PYROXD1: variants seen among roughly 807,000 people sequenced by gnomAD.
The protein encoded by PYROXD1 is pyridine nucleotide-disulphide oxidoreductase domain 1, also known as tRNA ligase complex-associated NAD(P)H dehydrogenase PYROXD1.
A neutral mutation model predicts 62.0 loss-of-function variants in PYROXD1; 42 were observed. That is an observed-to-expected ratio of 0.68 (90% CI 0.53 to 0.88). PYROXD1 has a LOEUF of 0.88. PYROXD1 is among the 40% of genes least tolerant of loss of function. The probability of loss-of-function intolerance (pLI) is 0.00; values close to 1 mark genes in which losing one functional copy is unlikely to be tolerated. For synonymous variants in PYROXD1, 170 were observed against 206.4 expected (o/e 0.82, Z 1.51); for missense variants, 493 against 604.8 (o/e 0.82, Z 1.94).
Position 21,437,678 on chromosome 12 carries a change from A to C in PYROXD1, c.-53A>C. ...GCGGCTGCTTCCTCTCCTGGAGTCC[A>C]GAGTCCCGTTGCTCCGCCGCGATAT... On this transcript the variant is annotated 5_prime_UTR_variant, in exon 1 of 12. Transcript: ENST00000240651. 6.5e-7 allele frequency: 1 copy of C among 1,548,964 alleles called. No individual in the cohort carries two copies. Among genetic ancestry groups the C allele is most frequent in the Non-Finnish European group, 8.8e-7 (1 of 1,142,228 alleles).
rs564402936 is a variant in PYROXD1, at chr12:21,441,782, C to T, written c.165+1334C>T. 2.6e-5 allele frequency among the ~76,000 whole-genome samples: 4 copies of T among 152,238 alleles called. No individual in the cohort carries two copies. In the East Asian group the frequency reaches 7.7e-4, roughly 29 times the overall value. ...CATTTGTGTTCTTTTGGTGGCATAT[C>T]TTCTTGGTTTATCATGTTTCTTACT... On this transcript the variant is annotated intron_variant, in intron 2 of 11. Transcript: ENST00000240651.
At chr12:21,450,109 C>A (rs1156256909) in intron 4 of PYROXD1, among the ~76,000 whole-genome samples, 1 of 150,522 alleles carries the variant, frequency 6.6e-6, no homozygotes, top group Non-Finnish European at 1.5e-5. Context: ...GACCTCGTGA[C>A]CGCCCACCTA....
chr12:21,450,890 C>T (rs994578047), intron 4 of PYROXD1, among the ~76,000 whole-genome samples: 2 of 152,112 alleles, frequency 1.3e-5, no homozygotes, highest in Non-Finnish European at 2.9e-5. Context: ...TCCCAATTTA[C>T]AAATAGGAAA....
intron 4 of PYROXD1, 143 bp from the exon 5 acceptor site, chr12:21,451,938 A>C (rs1404249138): frequency 3.3e-6 from 2 of 601,834 alleles, no homozygotes; most frequent in Non-Finnish European, 5.8e-6. Context: ...ATGTACCCTG[A>C]TACAGTGGGA....
Position 21,468,407 on chromosome 12 carries a change from A to T in PYROXD1, c.1255-99A>T, listed in dbSNP as rs539711729. ...ATTTTTAGTTATGAAATTTTGTGGCATAAGTTTTCTGCGGCTATTCAAACT... is the reference window on the plus strand; with the variant it reads ...ATTTTTAGTTATGAAATTTTGTGGCTTAAGTTTTCTGCGGCTATTCAAACT... On this transcript the variant is annotated intron_variant, in intron 11 of 11. Transcript: ENST00000240651. 7.9e-5 allele frequency: 90 copies of T among 1,139,710 alleles called. No homozygotes were observed. The South Asian group carries it at 1.3e-3, about 17-fold the overall frequency. The allele number at this position is 1,139,710 out of a possible 1,614,324, so 70.6% of individuals were successfully genotyped here.
chr12:21,459,900 A>G (rs1023113111), intron 7 of PYROXD1, among the ~76,000 whole-genome samples: 2 of 152,196 alleles, frequency 1.3e-5, no homozygotes, highest in African/African-American at 2.4e-5. Flanking sequence ...TTTTAAATTA[A>G]TCTTTTCTCA....
At chr12:21,449,491 T>C in intron 3 of PYROXD1, 72 bp from the exon 4 acceptor site, 1 of 1,468,562 alleles carries the variant, frequency 6.8e-7, no homozygotes, top group Non-Finnish European at 9.2e-7. Flanking sequence ...ATTGAATTTT[T>C]AGTTTAAAGT....
chr12:21,466,376 C>A (rs1287666427), intron 10 of PYROXD1, among the ~76,000 whole-genome samples: 1 of 151,320 alleles, frequency 6.6e-6, no homozygotes, highest in Non-Finnish European at 1.5e-5. Flanking sequence ...TTGAAGAGGT[C>A]CTTCACATCC....
intron 1 of PYROXD1, among the ~76,000 whole-genome samples, chr12:21,439,605 TAAAA>T (rs200941252): frequency 2.0e-5 from 3 of 150,980 alleles, no homozygotes; most frequent in African/African-American, 7.3e-5. Flanking sequence ...CCATCTCCAT[TAAAA>T]AAAAAATAAA....
At chr12:21,441,613 A>G (rs1195961496) in intron 2 of PYROXD1, among the ~76,000 whole-genome samples, 2 of 151,920 alleles carry the variant, frequency 1.3e-5, no homozygotes, top group Non-Finnish European at 2.9e-5. Context: ...CATCGTCAGA[A>G]TTTCTGCTTT....
At position 21,437,858 on chromosome 12, in the gene PYROXD1, A is replaced by C. The variant is rs754369287; in HGVS notation, c.84+44A>C. 5.8e-6 allele frequency: 9 copies of C among 1,541,812 alleles called. No individual in the cohort carries two copies. The South Asian group carries it at 9.2e-5, about 16-fold the overall frequency. On this transcript the variant is annotated intron_variant, in intron 1 of 11. Transcript: ENST00000240651. ...GGTTCCGCCTCTTTCCCCGACCCCA[A>C]AGGGGATAGCACTGGAGGCCTTCCT... is the stretch of plus-strand genomic sequence containing the variant.
At chr12:21,456,956 A>G (rs1449595444) in intron 7 of PYROXD1, 3 of 435,776 alleles carry the variant, frequency 6.9e-6, no homozygotes, top group South Asian at 1.6e-5. Context: ...CATCTTTTCA[A>G]ATTTTATCAT....
At chr12:21,447,374 T>G (rs1942409434) in intron 3 of PYROXD1, among the ~76,000 whole-genome samples, 1 of 152,146 alleles carries the variant, frequency 6.6e-6, no homozygotes, top group African/African-American at 2.4e-5. Flanking sequence ...CCAAGTAATA[T>G]ATTTGTCAAT....
chr12:21,444,076 C>T (rs969902929), intron 2 of PYROXD1, among the ~76,000 whole-genome samples: 11 of 152,006 alleles, frequency 7.2e-5, no homozygotes, highest in South Asian at 4.2e-4. Flanking sequence ...CAGTTTTTGC[C>T]GGTTTTGTAA....
intron 3 of PYROXD1, 50 bp downstream of exon 3, chr12:21,445,516 A>C: frequency 6.6e-7 from 1 of 1,514,118 alleles, no homozygotes; most frequent in Non-Finnish European, 8.8e-7. Context: ...AATCTTGATG[A>C]AGTTTTGCCT....
chr12:21,457,866 T>C (rs78169106), intron 7 of PYROXD1, among the ~76,000 whole-genome samples: 3 of 152,300 alleles, frequency 2.0e-5, no homozygotes, highest in South Asian at 2.1e-4. Flanking sequence ...CAATTTGATA[T>C]GAGATTTGGG....
At chr12:21,438,840 C>T (rs1021541707) in intron 1 of PYROXD1, among the ~76,000 whole-genome samples, 1 of 151,892 alleles carries the variant, frequency 6.6e-6, no homozygotes, top group African/African-American at 2.4e-5. Flanking sequence ...ATGATGCAGG[C>T]ACCGTATTAA....
At chr12:21,445,623 G>A (rs1291573349) in intron 3 of PYROXD1, among the ~76,000 whole-genome samples, 157 bp downstream of exon 3, 1 of 152,110 alleles carries the variant, frequency 6.6e-6, no homozygotes, top group African/African-American at 2.4e-5. Flanking sequence ...AAAAAATACA[G>A]TTTTTGTAAG....
At chr12:21,466,498 T>C (rs1249762383) in intron 10 of PYROXD1, among the ~76,000 whole-genome samples, 1 of 152,170 alleles carries the variant, frequency 6.6e-6, no homozygotes, top group East Asian at 1.9e-4. Context: ...ATGCTTGTGA[T>C]TTTTGCACAT....
Sources: gnomAD v4.1 joint callset for allele counts (sites outside exome capture counted in the v4.1 genomes callset) on GRCh38, gnomAD v4.1.1 for gene constraint, MANE v1.5 for transcripts, NCBI Gene and HGNC (gene_info 2026-07-23, HGNC 2026-07-21) for gene names.